Variants in PIEZO1 observed in about 807,000 individuals in gnomAD.
PIEZO1 encodes piezo-type mechanosensitive ion channel component 1.
Under a neutral mutation model 297.2 loss-of-function variants are expected in PIEZO1, and 296 were observed. The observed-to-expected ratio is 1.00, with a 90% CI of 0.91 to 1.10. The LOEUF is 1.10. Ranked by LOEUF, PIEZO1 falls within the 50% of genes least tolerant of loss-of-function variation. The pLI, the probability that PIEZO1 is intolerant of heterozygous loss-of-function variation, is 0.00. For missense variants in PIEZO1, 5,018 were observed against 3,455.5 expected (o/e 1.45, Z -11.34); for synonymous variants, 2,427 against 1,507.5 (o/e 1.61, Z -14.13).
rs1555553964 is a variant in PIEZO1 at position 88,726,693 on chromosome 16, T to TC, written c.3699+21_3699+22insG. 3.0e-6 allele frequency: 4 copies of TC among 1,335,284 alleles called. No homozygotes were observed. The African/African-American group carries it at 7.1e-5, about 24-fold the overall frequency. 82.7% of individuals were successfully genotyped at this position (1,335,284 alleles called of 1,614,324 possible). On this transcript the variant is annotated intron_variant, in intron 25 of 50. Transcript: ENST00000301015. ...GCCAGCGGGGCCCCAGGGCGGTGGG[T>TC]GCGGGGGGGCCGGAGGCTCACCGAC... is the stretch of plus-strand genomic sequence containing the variant.
chr16:88,725,332 A>T, intron 29 of PIEZO1, 84 bp downstream of exon 29: 1 of 889,754 alleles, frequency 1.1e-6, no homozygotes, highest in Middle Eastern at 3.4e-4. Flanking sequence ...GTGGGACGTC[A>T]CATGGGCACA....
chr16:88,716,779 A>G, intron 46 of PIEZO1, 27 bp downstream of exon 46: 2 of 1,549,528 alleles, frequency 1.3e-6, no homozygotes, highest in Middle Eastern at 1.7e-4. Flanking sequence ...TCCCCACACC[A>G]GCTTTCACAG....
chr16:88,764,388 C>T (rs139665871), intron 1 of PIEZO1, among the ~76,000 whole-genome samples: 7 of 152,144 alleles, frequency 4.6e-5, no homozygotes, highest in African/African-American at 1.4e-4. Flanking sequence ...TCATCCAAAC[C>T]CAGGCGCCAT....
chr16:88,725,536 TG>T lies in PIEZO1; in HGVS notation c.4059-18del. ...CGCTCCATCCTGTGGTGGGGAAAGG[TG>T]GGGTATGCTGAGCATTGGGGGGAGG... On this transcript the variant is annotated intron_variant, in intron 28 of 50. Transcript: ENST00000301015. 2 of 1,533,174 alleles carry T rather than the reference TG, an allele frequency of 1.3e-6. No homozygotes were observed. Among genetic ancestry groups the T allele is most frequent in the Non-Finnish European group, 1.8e-6 (2 of 1,135,498 alleles). 95.0% of individuals were successfully genotyped at this position (1,533,174 alleles called of 1,614,324 possible). A position where few individuals can be genotyped will look rare whatever the true frequency, so the allele number is the denominator to read the frequency against.
chr16:88,722,737 C>A, intron 34 of PIEZO1, 48 bp from the exon 35 acceptor site: 1 of 1,530,780 alleles, frequency 6.5e-7, no homozygotes, highest in African/African-American at 1.4e-5. Context: ...CTCTTGTCCC[C>A]ACACGGGGTT....
At chr16:88,727,430 C>A (rs1385211441) in intron 23 of PIEZO1, 127 bp downstream of exon 23, 4 of 643,804 alleles carry the variant, frequency 6.2e-6, no homozygotes, top group South Asian at 3.9e-5. Flanking sequence ...TCAGGGCCTG[C>A]AGGCCGCCAT....
rs1061238 is a variant in PIEZO1, at chr16:88,715,442, C to T, written c.*163G>A. Reference sequence around the variant, plus strand: ...CACGCAGGCCGTGGGGACGCAGTGTCCTTCTCTGACAGCAGCATCAGGGCT... The same window carrying T: ...CACGCAGGCCGTGGGGACGCAGTGTTCTTCTCTGACAGCAGCATCAGGGCT... On this transcript the variant is annotated 3_prime_UTR_variant, in exon 51 of 51. Transcript: ENST00000301015. 112,771 of 935,476 alleles carry T rather than the reference C, an allele frequency of 0.12. 8,056 individuals are homozygous for T. The highest frequency in any genetic ancestry group is 0.15 in the Non-Finnish European group (92,800 of 631,728). 57.9% of individuals were successfully genotyped at this position (935,476 alleles called of 1,614,324 possible). A position where few individuals can be genotyped will look rare whatever the true frequency, so the allele number is the denominator to read the frequency against.
At chr16:88,737,292 G>A (rs1905284160) in intron 10 of PIEZO1, 2 of 428,212 alleles carry the variant, frequency 4.7e-6, no homozygotes, top group Admixed American at 8.5e-5. Context: ...GGGACCTGGA[G>A]GCCCCCCATG....
chr16:88,730,587 G>A (rs1167759622), intron 22 of PIEZO1, among the ~76,000 whole-genome samples: 1 of 102,214 alleles, frequency 9.8e-6, no homozygotes, highest in African/African-American at 4.3e-5. Flanking sequence ...GACAGAGCAA[G>A]ACTCCATCTC....
At chr16:88,778,186 C>A (rs1312205971) in intron 1 of PIEZO1, among the ~76,000 whole-genome samples, 1 of 152,230 alleles carries the variant, frequency 6.6e-6, no homozygotes, top group African/African-American at 2.4e-5. Context: ...CACAGATGGG[C>A]ATGGCCCGAG....
intron 3 of PIEZO1, 59 bp downstream of exon 3, chr16:88,742,241 A>AG: frequency 6.6e-7 from 1 of 1,511,640 alleles, no homozygotes; most frequent in Admixed American, 2.0e-5. Flanking sequence ...GGGTCACTGC[A>AG]GGGCCCTCTC....
At chr16:88,748,661 G>A (rs1006439399) in intron 2 of PIEZO1, among the ~76,000 whole-genome samples, 1 of 152,138 alleles carries the variant, frequency 6.6e-6, no homozygotes, top group East Asian at 1.9e-4. Flanking sequence ...ACTCCCTGTG[G>A]CCTCCCAAGG....
At position 88,721,616 on chromosome 16, in the gene PIEZO1, G is replaced by A. The variant is rs1451836483; in HGVS notation, c.5325C>T (p.Gly1775=). 6 of 1,550,240 alleles carry A rather than the reference G, an allele frequency of 3.9e-6. No individual in the cohort carries two copies. The highest frequency in any genetic ancestry group is 4.4e-6 in the Non-Finnish European group (5 of 1,146,872). Reference sequence around the variant, plus strand: ...TGATGTAGCCGTCAGTCTTCTCCAGGCCCAGGATGCGGGGCGGGAAGTAGG... The same window carrying A: ...TGATGTAGCCGTCAGTCTTCTCCAGACCCAGGATGCGGGGCGGGAAGTAGG... ...NKPYFPPRIL[G]LEKTDGYIKY... The change falls in exon 38 of 51, where the codon GGC becomes GGT. Residue 1775 remains glycine, a synonymous_variant. Coordinates refer to ENST00000301015, the MANE Select transcript of PIEZO1 (RefSeq NM_001142864.4).
rs750951378 is a variant in PIEZO1, at chr16:88,719,784, C to T, written c.6323+18G>A. Reference sequence around the variant, plus strand: ...CATGCCCGGGCCGTGACCCCCACCCCGGCGGACCTGCACTCACCCCTGGAA... The same window carrying T: ...CATGCCCGGGCCGTGACCCCCACCCTGGCGGACCTGCACTCACCCCTGGAA... On this transcript the variant is annotated intron_variant, in intron 43 of 50. Transcript: ENST00000301015. The T allele has an allele frequency of 7.8e-5, 121 of 1,550,226 alleles. No homozygotes were observed. Among genetic ancestry groups the T allele is most frequent in the Non-Finnish European group, 9.2e-5 (105 of 1,146,876 alleles).
intron 1 of PIEZO1, among the ~76,000 whole-genome samples, chr16:88,773,222 C>G (rs1161158076): frequency 1.3e-5 from 2 of 152,262 alleles, no homozygotes; most frequent in African/African-American, 4.8e-5. Context: ...CGGCGTCACG[C>G]CCAGGCCCTC....
At position 88,732,670 on chromosome 16, in the gene PIEZO1, C is replaced by A; in HGVS notation, c.2727G>T (p.Gly909=). The change falls in exon 20 of 51, where the codon GGG becomes GGT. Residue 909 remains glycine, a synonymous_variant. Coordinates refer to ENST00000301015, the MANE Select transcript of PIEZO1 (RefSeq NM_001142864.4). The part of the protein sequence containing the change: ...TEISQSLLYR[G]PVDPANWFGV... The stretch of plus-strand genomic sequence containing the variant: ...CAAACCAGTTGGCAGGGTCCACGGG[C>A]CCCCGGTACAGCAGGGACTGGCTGA... The A allele has an allele frequency of 6.5e-7, 1 of 1,548,960 alleles. No individual in the cohort carries two copies. The highest frequency in any genetic ancestry group is 8.7e-7 in the Non-Finnish European group (1 of 1,145,950).
chr16:88,755,853 C>T (rs1268757147), intron 1 of PIEZO1, among the ~76,000 whole-genome samples: 1 of 152,182 alleles, frequency 6.6e-6, no homozygotes, highest in Non-Finnish European at 1.5e-5. Context: ...TCTGAGGAGA[C>T]AGTGGCGCTC....
chr16:88,732,962 G>A (rs1295389962), intron 19 of PIEZO1: 2 of 587,794 alleles, frequency 3.4e-6, no homozygotes, highest in East Asian at 2.8e-5. Context: ...GGAGAAGGAG[G>A]GATGTGCGAG....
rs1018687547 is a variant in PIEZO1 at position 88,734,310 on chromosome 16, G to A, written c.2180+46C>T. On this transcript the variant is annotated intron_variant, in intron 16 of 50. Coordinates refer to ENST00000301015, the MANE Select transcript of PIEZO1 (RefSeq NM_001142864.4). ...CCCACCTGGCTCCCTCCCTGGCCCA[G>A]GAGGCTACACCTCTCCAGGGCCGGA... The A allele has an allele frequency of 1.0e-5, 15 of 1,446,004 alleles. No homozygotes were observed. In the African/African-American group the frequency reaches 1.6e-4, roughly 15 times the overall value. 89.6% of individuals were successfully genotyped at this position (1,446,004 alleles called of 1,614,324 possible). A position where few individuals can be genotyped will look rare whatever the true frequency, so the allele number is the denominator to read the frequency against.
Sources: gnomAD v4.1 joint callset for allele counts (sites outside exome capture counted in the v4.1 genomes callset) on GRCh38, gnomAD v4.1.1 for gene constraint, MANE v1.5 for transcripts, NCBI Gene and HGNC (gene_info 2026-07-23, HGNC 2026-07-21) for gene names.